GRIN3A: variants seen among roughly 807,000 people sequenced by gnomAD.
GRIN3A encodes glutamate receptor ionotropic, NMDA 3A.
In GRIN3A, 47 loss-of-function variants were observed where a neutral mutation model predicts 92.4. The ratio of observed to expected loss-of-function variants is 0.51; its 90% CI spans 0.40 to 0.65. The LOEUF (loss-of-function observed/expected upper bound fraction) is 0.65. Ranked by LOEUF, GRIN3A falls within the 30% of genes least tolerant of loss-of-function variation. The pLI is 0.00. For missense variants in GRIN3A, 1,324 were observed against 1,393.1 expected, an observed-to-expected ratio of 0.95 and a Z score of 0.79; for synonymous variants, 527 against 540.6, an observed-to-expected ratio of 0.97 and a Z score of 0.35.
intron 6 of GRIN3A, chr9:101,592,871 A>G (rs1828052109): frequency 6.6e-6 from 1 of 151,972 alleles, no homozygotes; most frequent in African/African-American, 2.4e-5. Flanking sequence ...CCTGAGTGGT[A>G]TCTCTTGGCT....
At chr9:101,615,929 T>G (rs1828445719) in intron 5 of GRIN3A, among the ~76,000 whole-genome samples, 1 of 152,240 alleles carries the variant, frequency 6.6e-6, no homozygotes, top group South Asian at 2.1e-4. Context: ...CAAGTCCTCC[T>G]ACACTTTGTT....
At chr9:101,619,819 C>T (rs1692604051) in intron 5 of GRIN3A, among the ~76,000 whole-genome samples, 1 of 152,218 alleles carries the variant, frequency 6.6e-6, no homozygotes, top group Non-Finnish European at 1.5e-5. Flanking sequence ...AACTCCAATG[C>T]ACAAATTGGA....
intron 2 of GRIN3A, among the ~76,000 whole-genome samples, chr9:101,673,157 A>G (rs576247436): frequency 1.3e-5 from 2 of 152,142 alleles, no homozygotes; most frequent in Admixed American, 6.6e-5. Context: ...ATGATTATAG[A>G]TTCTTAACTG....
intron 1 of GRIN3A, among the ~76,000 whole-genome samples, chr9:101,723,734 T>G (rs1235468369): frequency 6.6e-6 from 1 of 152,080 alleles, no homozygotes; most frequent in South Asian, 2.1e-4. Context: ...ACAAAGGTTC[T>G]CCAAGGCCCC....
chr9:101,727,620 G>A (rs1160192836), intron 1 of GRIN3A, among the ~76,000 whole-genome samples: 5 of 151,854 alleles, frequency 3.3e-5, no homozygotes, highest in Non-Finnish European at 2.9e-5. Context: ...TTACTTTATA[G>A]TTGTTAACTG....
chr9:101,718,193 G>A lies in GRIN3A; in HGVS notation c.699+19088C>T, dbSNP rs138186395. ...CCAGACATTGTGTGAGGAGCACAGGGTTTGGTCTAGTGAGAGAGGAGGAGA... is the reference window on the plus strand; with the variant it reads ...CCAGACATTGTGTGAGGAGCACAGGATTTGGTCTAGTGAGAGAGGAGGAGA... On this transcript the variant is annotated intron_variant, in intron 1 of 8. Transcript: ENST00000361820. Among the ~76,000 whole-genome samples the A allele has an allele frequency of 7.9e-5, 12 of 152,328 alleles. No homozygotes were observed. In the East Asian group the frequency reaches 2.3e-3, roughly 29 times the overall value.
chr9:101,691,417 T>C (rs906737906), intron 1 of GRIN3A, among the ~76,000 whole-genome samples: 1 of 152,178 alleles, frequency 6.6e-6, no homozygotes, highest in Admixed American at 6.6e-5. Context: ...ATTAATTTAG[T>C]AATTATGATT....
intron 1 of GRIN3A, among the ~76,000 whole-genome samples, chr9:101,699,769 T>C (rs142427101): frequency 0.01 from 1,567 of 152,324 alleles, 9 homozygotes; most frequent in Middle Eastern, 0.017. Flanking sequence ...CAGTGGTGTT[T>C]CTTGTCCTGT....
chr9:101,575,069 ACATT>A (rs1485873106), intron 8 of GRIN3A, among the ~76,000 whole-genome samples: 1 of 152,226 alleles, frequency 6.6e-6, no homozygotes, highest in East Asian at 1.9e-4. Context: ...GTTGTTTAAA[ACATT>A]AAGTATTGGG....
chr9:101,626,801 A>G (rs546731048), intron 4 of GRIN3A, among the ~76,000 whole-genome samples: 1 of 152,234 alleles, frequency 6.6e-6, no homozygotes, highest in Non-Finnish European at 1.5e-5. Context: ...GTTGGATTCC[A>G]GAGACCTGGT....
At chr9:101,691,179 G>A (rs532586646) in intron 1 of GRIN3A, among the ~76,000 whole-genome samples, 2 of 152,240 alleles carry the variant, frequency 1.3e-5, no homozygotes, top group African/African-American at 4.8e-5. Flanking sequence ...TAAGGAAATA[G>A]AAGCCTTTAC....
Position 101,573,340 on chromosome 9 carries a change from G to A in GRIN3A, c.3182C>T (p.Thr1061Ile). The change falls in exon 9 of 9, where the codon ACC becomes ATC. Residue 1061 changes from threonine (T) to isoleucine (I), a missense_variant. By Grantham distance (89) the Thr-to-Ile change is moderately conservative. Coordinates refer to ENST00000361820, the MANE Select transcript of GRIN3A (RefSeq NM_133445.3). ...RRRELPALRT[T>I]NGKADSLNVS... ...ATTTAGGGAGTCTGCTTTCCCATTG[G>A]TGGTCCGCAAGGCAGGGAGCTCTCT... 1 of 1,614,048 alleles carries A rather than the reference G, an allele frequency of 6.2e-7. No individual in the cohort carries two copies. The highest frequency in any genetic ancestry group is 8.5e-7 in the Non-Finnish European group (1 of 1,179,988).
intron 6 of GRIN3A, among the ~76,000 whole-genome samples, chr9:101,586,348 G>A (rs148946340): frequency 3.9e-5 from 6 of 152,164 alleles, no homozygotes; most frequent in African/African-American, 1.4e-4. Context: ...TGCCCAGCAC[G>A]GTGAATATTT....
At chr9:101,711,453 G>A (rs1043463847) in intron 1 of GRIN3A, among the ~76,000 whole-genome samples, 8 of 152,130 alleles carry the variant, frequency 5.3e-5, no homozygotes, top group African/African-American at 1.7e-4. Context: ...CTGAAACCTT[G>A]GAAAGCAAAA....
At chr9:101,639,184 C>G (rs976412407) in intron 3 of GRIN3A, among the ~76,000 whole-genome samples, 1 of 152,072 alleles carries the variant, frequency 6.6e-6, no homozygotes, top group Non-Finnish European at 1.5e-5. Context: ...CTACCAGGTA[C>G]GATACTGTCT....
At chr9:101,627,026 T>C (rs140566660) in intron 4 of GRIN3A, among the ~76,000 whole-genome samples, 7 of 152,326 alleles carry the variant, frequency 4.6e-5, no homozygotes, top group Non-Finnish European at 7.4e-5. Context: ...GCTCATCTCA[T>C]CCTTTTTCAC....
chr9:101,708,761 C>T (rs991507304), intron 1 of GRIN3A, among the ~76,000 whole-genome samples: 12 of 152,164 alleles, frequency 7.9e-5, no homozygotes, highest in Non-Finnish European at 4.4e-5. Flanking sequence ...GATGAGTGAG[C>T]ATCTACCTTT....
intron 1 of GRIN3A, among the ~76,000 whole-genome samples, chr9:101,694,031 A>G (rs1056677000): frequency 6.6e-6 from 1 of 152,200 alleles, no homozygotes; most frequent in Non-Finnish European, 1.5e-5. Flanking sequence ...AGAGCAGTAC[A>G]ATATAATGAA....
chr9:101,638,232 A>G (rs1362200198), intron 3 of GRIN3A, among the ~76,000 whole-genome samples: 1 of 152,170 alleles, frequency 6.6e-6, no homozygotes, highest in Non-Finnish European at 1.5e-5. Context: ...GTATCTGTCT[A>G]CTTTTAGATA....
Sources: gnomAD v4.1 joint callset for allele counts (sites outside exome capture counted in the v4.1 genomes callset) on GRCh38, gnomAD v4.1.1 for gene constraint, MANE v1.5 for transcripts, NCBI Gene and HGNC (gene_info 2026-07-23, HGNC 2026-07-21) for gene names.